SGCZ: variants seen among roughly 807,000 people sequenced by gnomAD.
SGCZ encodes zeta-sarcoglycan.
Under a neutral mutation model 41.3 loss-of-function variants are expected in SGCZ, and 40 were observed. The ratio of observed to expected loss-of-function variants is 0.97; its 90% CI spans 0.75 to 1.26. The LOEUF (loss-of-function observed/expected upper bound fraction) is 1.26, where lower values mean the gene tolerates loss of function less well. Among genes scored for constraint, SGCZ ranks in the 50% most tolerant of loss-of-function variants. The pLI is 0.00. For synonymous variants in SGCZ, 206 were observed against 137.5 expected (o/e 1.50, Z -3.49); for missense variants, 552 against 369.8 (o/e 1.49, Z -4.04).
At chr8:14,659,252 G>A (rs1028681672) in intron 1 of SGCZ, among the ~76,000 whole-genome samples, 5 of 152,168 alleles carry the variant, frequency 3.3e-5, no homozygotes, top group South Asian at 2.1e-4. Flanking sequence ...TGTCATCACC[G>A]CCAGAGATGA....
At chr8:14,392,626 A>C (rs569788936) in intron 2 of SGCZ, among the ~76,000 whole-genome samples, 1 of 152,290 alleles carries the variant, frequency 6.6e-6, no homozygotes, top group Admixed American at 6.5e-5. Context: ...TTCATTTTAT[A>C]ACATAGGCAG....
chr8:14,864,880 AGT>A (rs1803873172), intron 1 of SGCZ, among the ~76,000 whole-genome samples: 1 of 152,022 alleles, frequency 6.6e-6, no homozygotes, highest in Admixed American at 6.6e-5. Context: ...TGGTTGAGAT[AGT>A]ATCCTATATT....
intron 1 of SGCZ, among the ~76,000 whole-genome samples, chr8:14,611,857 G>C (rs553688366): frequency 5.9e-5 from 9 of 152,186 alleles, no homozygotes; most frequent in African/African-American, 1.9e-4. Context: ...GAAAAAAATG[G>C]TTTTGATGCA....
intron 1 of SGCZ, among the ~76,000 whole-genome samples, chr8:14,577,885 T>C (rs560996233): frequency 6.6e-6 from 1 of 152,338 alleles, no homozygotes; most frequent in African/African-American, 2.4e-5. Flanking sequence ...ATGTAAATAC[T>C]CAATAAACAC....
At chr8:14,758,538 C>A (rs577693415) in intron 1 of SGCZ, among the ~76,000 whole-genome samples, 1 of 152,038 alleles carries the variant, frequency 6.6e-6, no homozygotes, top group African/African-American at 2.4e-5. Flanking sequence ...TCTGGGACAC[C>A]GATCAAAGTG....
chr8:14,129,826 G>C (rs541092826), intron 5 of SGCZ, among the ~76,000 whole-genome samples: 73 of 152,200 alleles, frequency 4.8e-4, no homozygotes, highest in African/African-American at 1.7e-3. Flanking sequence ...ACATTGCCCA[G>C]AGAAATGAAT....
intron 1 of SGCZ, among the ~76,000 whole-genome samples, chr8:14,842,254 C>T (rs1000022583): frequency 2.6e-5 from 4 of 151,608 alleles, no homozygotes; most frequent in South Asian, 4.1e-4. Context: ...TCGAAACTGA[C>T]ATCTGAAGGA....
intron 3 of SGCZ, among the ~76,000 whole-genome samples, chr8:14,291,967 A>G (rs1348718775): frequency 6.6e-6 from 1 of 152,052 alleles, no homozygotes; most frequent in African/African-American, 2.4e-5. Context: ...AAGAAAGGAG[A>G]TAATAATTGG....
rs994676945 is a variant in SGCZ, at chr8:14,862,027, T to C, written c.40-307101A>G. ...GAATTCCACCATTGGAAAAAAAAAA[T>C]AGTCTGTAGTAACATTTAAAAAATG... On this transcript the variant is annotated intron_variant, in intron 1 of 7. Coordinates refer to ENST00000382080, the MANE Select transcript of SGCZ (RefSeq NM_139167.4). Among the ~76,000 whole-genome samples the C allele has an allele frequency of 5.9e-5, 9 of 151,710 alleles. 1 individual carries two copies. In the East Asian group the frequency reaches 9.7e-4, roughly 16 times the overall value.
chr8:15,029,830 A>G (rs1257561311), intron 1 of SGCZ, among the ~76,000 whole-genome samples: 2 of 152,192 alleles, frequency 1.3e-5, no homozygotes, highest in African/African-American at 4.8e-5. Flanking sequence ...ATGCCTTCTG[A>G]AAATAATGGC....
chr8:14,930,929 G>T (rs1799906965), intron 1 of SGCZ, among the ~76,000 whole-genome samples: 1 of 151,812 alleles, frequency 6.6e-6, no homozygotes, highest in Non-Finnish European at 1.5e-5. Flanking sequence ...ACAGTTGATG[G>T]GTGCAGCAAA....
At chr8:14,355,011 T>C (rs1237394485) in intron 2 of SGCZ, among the ~76,000 whole-genome samples, 1 of 151,950 alleles carries the variant, frequency 6.6e-6, no homozygotes, top group African/African-American at 2.4e-5. Context: ...ATTACAGAAG[T>C]TTTTCAATTT....
In SGCZ at chr8:14,090,548, C is replaced by T; in HGVS notation, c.834G>A (p.Gln278=). The T allele has an allele frequency of 6.2e-7, 1 of 1,613,094 alleles. No individual in the cohort carries two copies. Among genetic ancestry groups the T allele is most frequent in the Non-Finnish European group, 8.5e-7 (1 of 1,179,442 alleles). The change falls in exon 8 of 8, where the codon CAG becomes CAA. Residue 278 remains glutamine (Q), a synonymous_variant. Transcript: ENST00000382080. ...GGCAGACGCAGAGTTCATACACTGT[C>T]TGTCGAGAACTTGAGGAGCTGGGTG... The part of the protein sequence containing the change: ...SSSPSSSSSR[Q]TVYELCVCPN...
chr8:14,261,148 CTTAAA>C (rs1799652716), intron 3 of SGCZ, among the ~76,000 whole-genome samples: 1 of 152,080 alleles, frequency 6.6e-6, no homozygotes. Context: ...TAAAATTTCA[CTTAAA>C]TTCTCAAACC....
chr8:14,996,759 G>T (rs551486213), intron 1 of SGCZ, among the ~76,000 whole-genome samples: 3 of 152,348 alleles, frequency 2.0e-5, no homozygotes, highest in African/African-American at 4.8e-5. Context: ...CGTGGCCACA[G>T]CATTGACATT....
intron 1 of SGCZ, among the ~76,000 whole-genome samples, chr8:14,677,043 A>G (rs1287649444): frequency 7.2e-5 from 11 of 152,112 alleles, no homozygotes; most frequent in Admixed American, 7.2e-4. Context: ...AACAGATGAC[A>G]TAATTGTCTA....
At chr8:15,144,312 C>T (rs903485353) in intron 1 of SGCZ, among the ~76,000 whole-genome samples, 5 of 152,274 alleles carry the variant, frequency 3.3e-5, no homozygotes, top group African/African-American at 1.2e-4. Flanking sequence ...ACAATTTCAA[C>T]AAAGCTCTAC....
At chr8:14,890,257 AAAGG>A (rs1363388069) in intron 1 of SGCZ, among the ~76,000 whole-genome samples, 2 of 151,834 alleles carry the variant, frequency 1.3e-5, no homozygotes, top group Non-Finnish European at 2.9e-5. Flanking sequence ...AGAGAAAGGA[AAAGG>A]AAGGAAAGGA....
At chr8:15,002,681 C>T (rs997449655) in intron 1 of SGCZ, among the ~76,000 whole-genome samples, 1 of 152,162 alleles carries the variant, frequency 6.6e-6, no homozygotes, top group South Asian at 2.1e-4. Context: ...TCTTTAGTTT[C>T]CATTTTGTCC....
Sources: allele counts gnomAD v4.1 joint callset (sites outside exome capture counted in the v4.1 genomes callset), GRCh38; gene constraint gnomAD v4.1.1; transcripts MANE v1.5; gene names NCBI Gene and HGNC (gene_info 2026-07-23, HGNC 2026-07-21).